Variants in UPF3B observed in about 807,000 individuals in gnomAD.
UPF3B encodes the protein regulator of nonsense transcripts 3B.
Under a neutral mutation model 40.3 loss-of-function variants are expected in UPF3B, and 7 were observed. That is an observed-to-expected ratio of 0.17 (90% CI 0.10 to 0.33). The LOEUF (loss-of-function observed/expected upper bound fraction) is 0.33, where lower values mean the gene tolerates loss of function less well. Among genes scored for constraint, UPF3B ranks in the 10% least tolerant of loss-of-function variants. UPF3B has a pLI of 1.00. For synonymous variants in UPF3B, 117 were observed against 117.3 expected (o/e 1.00, Z 0.01); for missense variants, 229 against 358.9 (o/e 0.64, Z 2.93).
At chrX:119,808,569 ACAGT>A (rs1238119700) in intron 5 of UPF3B, among the ~76,000 whole-genome samples, 6 of 101,003 alleles carry the variant, frequency 5.9e-5, no homozygotes, top group Non-Finnish European at 1.2e-4. Flanking sequence ...GGCCGGGCAC[ACAGT>A]CAGTGATTGG....
chrX:119,806,215 C>G (rs1371618615), intron 6 of UPF3B, among the ~76,000 whole-genome samples: 1 of 93,375 alleles, frequency 1.1e-5, no homozygotes, highest in Admixed American at 1.3e-4. Flanking sequence ...TCATCATTCT[C>G]AGTAAACTAT....
At chrX:119,851,652 A>G (rs767861179) in intron 2 of UPF3B, 51 bp from the exon 3 acceptor site, 27 of 999,795 alleles carry the variant, frequency 2.7e-5, no homozygotes, top group Non-Finnish European at 3.2e-5. Context: ...GTCTGGCCCA[A>G]TTACAAGTAT....
chrX:119,846,885 G>C (rs1184336615), intron 3 of UPF3B, among the ~76,000 whole-genome samples: 1 of 112,204 alleles, frequency 8.9e-6, no homozygotes, highest in Admixed American at 9.5e-5. Context: ...TATCTGATAA[G>C]GGGTAATATC....
chrX:119,838,578 C>T (rs1018144282), intron 8 of UPF3B, 51 bp from the exon 9 acceptor site: 1 of 1,136,213 alleles, frequency 8.8e-7, no homozygotes, highest in Admixed American at 2.3e-5. Flanking sequence ...ACACTATCTT[C>T]TATTAAAAAC....
At chrX:119,807,656 A>G (rs755598272) in intron 5 of UPF3B, 27 of 464,379 alleles carry the variant, frequency 5.8e-5, no homozygotes, top group Non-Finnish European at 6.1e-5. Context: ...GTCATATCTT[A>G]TATATATTAA....
In UPF3B at chrX:119,822,942, CT is replaced by C. The variant is rs1440100161; in HGVS notation, c.493del (p.Gln165ArgfsTer25). 1.5e-5 allele frequency: 14 copies of C among 922,957 alleles called. No individual in the cohort carries two copies. Among genetic ancestry groups the C allele is most frequent in the Non-Finnish European group, 1.8e-5 (13 of 730,230 alleles). 76.1% of individuals were successfully genotyped at this position (922,957 alleles called of 1,213,427 possible). On this transcript the variant is annotated frameshift_variant and splice_region_variant, in exon 4 of 7. Transcript: ENST00000636792. LOFTEE classifies it high-confidence loss of function. ...CTTTTCTATGGCTAATACCACTTTC[CT>C]GCTTTCTTTCTACTGCTGAATCTCC... is the stretch of plus-strand genomic sequence containing the variant.
At chrX:119,851,124 T>A (rs150854187) in intron 3 of UPF3B, among the ~76,000 whole-genome samples, 3,102 of 112,469 alleles carry the variant, frequency 0.028, 38 homozygotes, top group Non-Finnish European at 0.043. Flanking sequence ...GTTGGCTTAA[T>A]GGATTTGAAT....
chrX:119,831,856 G>T, downstream of UPF3B: 1 of 260,858 alleles, frequency 3.8e-6, no homozygotes, highest in Non-Finnish European at 5.3e-6. Context: ...ATATCCTAAA[G>T]CCCAGTCATT....
chrX:119,830,756 AG>A (rs1321251425), downstream of UPF3B, among the ~76,000 whole-genome samples: 1 of 109,567 alleles, frequency 9.1e-6, no homozygotes, highest in East Asian at 2.8e-4. Context: ...AAAAAAAAAA[AG>A]AAATAAAAAA....
chrX:119,830,041 C>A (rs1603368604), downstream of UPF3B, among the ~76,000 whole-genome samples: 1 of 111,882 alleles, frequency 8.9e-6, no homozygotes, highest in East Asian at 2.8e-4. Context: ...CACTTTCAAT[C>A]ATTATTGGTG....
At chrX:119,822,128 A>T (rs764899062) in intron 4 of UPF3B, among the ~76,000 whole-genome samples, 22 of 110,867 alleles carry the variant, frequency 2.0e-4, no homozygotes, top group Non-Finnish European at 4.2e-4. Flanking sequence ...GCAAATAAAA[A>T]AACAAAAGTA....
rs1421550686 is a variant in UPF3B at position 119,851,538 on chromosome X, C to T, written c.327G>A (p.Leu109=). The T allele has an allele frequency of 4.1e-6, 5 of 1,207,891 alleles. No homozygotes were observed. The highest frequency in any genetic ancestry group is 4.5e-6 in the Non-Finnish European group (4 of 893,779). ...INFKNQEDII[L]FRDRFDGYVF... is the part of the protein sequence containing the mutation. The stretch of plus-strand genomic sequence containing the variant: ...CATAACCATCAAAGCGATCCCTGAA[C>T]AAAATAATGTCCTCTTGGTTTTTAA... The change falls in exon 3 of 11, where the codon TTG becomes TTA. Residue 109 remains leucine (L), a synonymous_variant. Transcript: ENST00000276201.
At chrX:119,848,340 C>T (rs1165564839) in intron 3 of UPF3B, among the ~76,000 whole-genome samples, 2 of 102,344 alleles carry the variant, frequency 2.0e-5, no homozygotes, top group African/African-American at 7.4e-5. Context: ...GACATGGATA[C>T]ACCTTGAAGA....
At position 119,810,760 on chromosome X, in the gene UPF3B, G is replaced by A. The variant is rs775026861; in HGVS notation, c.603-3179C>T. ...GCATTCACCCTACAGTTGGTATTTA[G>A]CTCCTTCCAACTTCTTTTGGTTTCC... On this transcript the variant is annotated intron_variant, in intron 5 of 6. Coordinates refer to the UPF3B transcript ENST00000636792. Among the ~76,000 whole-genome samples, 3 of 111,001 alleles carry A rather than the reference G, an allele frequency of 2.7e-5. No individual in the cohort carries two copies. In the Admixed American group the frequency reaches 2.9e-4, roughly 11 times the overall value.
intron 4 of UPF3B, among the ~76,000 whole-genome samples, chrX:119,843,681 C>T (rs2147790683): frequency 8.9e-6 from 1 of 112,389 alleles, no homozygotes; most frequent in South Asian, 3.6e-4. Context: ...GATGGGAATT[C>T]CTGGAGTTCT....
rs775993429 is a variant in UPF3B at position 119,837,857 on chromosome X, C to T, written c.1202G>A (p.Arg401Gln). The stretch of plus-strand genomic sequence containing the variant: ...ACTTTCAGCCTTCTTTCCTTTATCC[C>T]GAAGTGTGTCTTTCTCTTTTTTCAT... The part of the protein sequence containing the change: ...EEMKKEKDTL[R>Q]DKGKKAESTE... Residue 401 changes from arginine (R) to glutamine (Q), a missense_variant, in exon 10 of 11, where the codon CGG becomes CAG. Physicochemically the swap from Arg to Gln is conservative, Grantham distance 43. Around this residue, in one of 3 missense-constraint regions of UPF3B, gnomAD observed 119 missense variants for 153.8 expected, o/e 0.77. Coordinates refer to ENST00000276201, the MANE Select transcript of UPF3B (RefSeq NM_080632.3). The T allele has an allele frequency of 5.8e-6, 7 of 1,210,577 alleles. No homozygotes were observed. Among genetic ancestry groups the T allele is most frequent in the Admixed American group, 2.2e-5 (1 of 45,843 alleles).
chrX:119,839,972 C>G (rs556002487), intron 8 of UPF3B, among the ~76,000 whole-genome samples: 3 of 111,257 alleles, frequency 2.7e-5, no homozygotes, highest in African/African-American at 9.8e-5. Flanking sequence ...CCATCCTCCC[C>G]CAAGCCCCTC....
chrX:119,826,386 G>T (rs900297241), intron 3 of UPF3B, among the ~76,000 whole-genome samples: 1 of 110,523 alleles, frequency 9.0e-6, no homozygotes, highest in Non-Finnish European at 1.9e-5. Context: ...GGAGGCTGAG[G>T]CAGGAGAATA....
At chrX:119,837,240 T>C (rs181894966) in intron 10 of UPF3B, among the ~76,000 whole-genome samples, 2,658 of 109,008 alleles carry the variant, frequency 0.024, 76 homozygotes, top group African/African-American at 0.077. Flanking sequence ...CCACTGCACC[T>C]GGCCCATCAT....
Sources: gnomAD v4.1 joint callset for allele counts (sites outside exome capture counted in the v4.1 genomes callset) on GRCh38, gnomAD v4.1.1 for gene constraint, gnomAD v4.1.1 regional missense constraint, MANE v1.5 for transcripts, NCBI Gene and HGNC (gene_info 2026-07-23, HGNC 2026-07-21) for gene names.